Variants in NRIP3 observed in about 807,000 individuals in gnomAD.
NRIP3 encodes the protein nuclear receptor-interacting protein 3.
A neutral mutation model predicts 29.0 loss-of-function variants in NRIP3; 31 were observed. That is an observed-to-expected ratio of 1.07 (90% CI 0.80 to 1.44). The LOEUF (loss-of-function observed/expected upper bound fraction) is 1.44, where lower values mean the gene tolerates loss of function less well. NRIP3 is among the 40% of genes most tolerant of loss of function. The probability of loss-of-function intolerance (pLI) is 0.00; values close to 1 mark genes in which losing one functional copy is unlikely to be tolerated. For synonymous variants in NRIP3, 131 were observed against 118.3 expected (o/e 1.11, Z -0.70); for missense variants, 314 against 297.9 (o/e 1.05, Z -0.40).
intron 1 of NRIP3, among the ~76,000 whole-genome samples, chr11:8,999,959 T>A (rs1278921786): frequency 6.6e-6 from 1 of 152,218 alleles, no homozygotes; most frequent in East Asian, 1.9e-4. Flanking sequence ...TATATACATT[T>A]ACTTAATTTT....
chr11:8,983,607 A>G, intron 6 of NRIP3, 47 bp from the exon 7 acceptor site: 1 of 1,595,466 alleles, frequency 6.3e-7, no homozygotes, highest in Non-Finnish European at 8.6e-7. Flanking sequence ...AAATTCAAAA[A>G]AAGTTAAGCT....
chr11:8,997,523 C>T (rs879939974), intron 1 of NRIP3, among the ~76,000 whole-genome samples: 2 of 152,216 alleles, frequency 1.3e-5, no homozygotes, highest in Non-Finnish European at 2.9e-5. Flanking sequence ...CTAACCTAAG[C>T]AGTCCCTGCT....
At chr11:9,002,429 G>T (rs566906893) in intron 1 of NRIP3, among the ~76,000 whole-genome samples, 1 of 151,500 alleles carries the variant, frequency 6.6e-6, no homozygotes, top group South Asian at 2.1e-4. Context: ...TGTGCAAAAA[G>T]CAAAACAAAA....
At position 8,985,819 on chromosome 11, in the gene NRIP3, C is replaced by T. The variant is rs1160500147; in HGVS notation, c.454G>A (p.Glu152Lys). Reference protein sequence around the residue: ...LKEHVKSHKHEGEKLSLPRHL... With the variant: ...LKEHVKSHKHKGEKLSLPRHL... ...CGGGGTAGAGAAAGCTTTTCTCCTTCATGCTTGTGGGATTTGACATGCTCC... is the reference window on the plus strand; with the variant it reads ...CGGGGTAGAGAAAGCTTTTCTCCTTTATGCTTGTGGGATTTGACATGCTCC... The change falls in exon 4 of 7, where the codon GAA (glutamate) becomes AAA (lysine). Residue 152 changes from glutamate (E) to lysine (K), a missense_variant. Glu to Lys is a moderately conservative substitution (Grantham distance 56, BLOSUM62 1). Transcript: ENST00000309166. The T allele has an allele frequency of 6.2e-7, 1 of 1,614,146 alleles. No homozygotes were observed. The highest frequency in any genetic ancestry group is 8.5e-7 in the Non-Finnish European group (1 of 1,180,022).
chr11:8,988,487 G>A (rs1389431574), intron 1 of NRIP3, among the ~76,000 whole-genome samples: 1 of 152,198 alleles, frequency 6.6e-6, no homozygotes, highest in East Asian at 1.9e-4. Flanking sequence ...CACCCTGAAT[G>A]AATGAAAATG....
rs141959939 is a variant in NRIP3 at position 8,984,088 on chromosome 11, G to A, written c.599C>T (p.Thr200Ile). The part of the protein sequence containing the change: ...NEKNLSLGLQ[T>I]LRSLKCIINL... ...CAATCTTACCTTCAGAGATCGGAGAGTCTGTAGACCAAGGGACAAGTTTTT... is the reference window on the plus strand; with the variant it reads ...CAATCTTACCTTCAGAGATCGGAGAATCTGTAGACCAAGGGACAAGTTTTT... The change falls in exon 5 of 7, where the codon ACT (threonine) becomes ATT (isoleucine). Residue 200 changes from threonine (T) to isoleucine (I), a missense_variant. Thr to Ile is a moderately conservative substitution (Grantham distance 89). Transcript: ENST00000309166. 3.1e-5 allele frequency: 50 copies of A among 1,612,750 alleles called. No homozygotes were observed. The highest frequency in any genetic ancestry group is 3.6e-5 in the Non-Finnish European group (43 of 1,178,906).
intron 1 of NRIP3, among the ~76,000 whole-genome samples, chr11:9,001,932 A>G (rs780968439): frequency 6.6e-6 from 1 of 152,236 alleles, no homozygotes; most frequent in African/African-American, 2.4e-5. Flanking sequence ...TGTCATGTGT[A>G]TGTGTCATAC....
chr11:8,995,567 A>C (rs1405182573), intron 1 of NRIP3, among the ~76,000 whole-genome samples: 1 of 152,060 alleles, frequency 6.6e-6, no homozygotes, highest in Non-Finnish European at 1.5e-5. Flanking sequence ...TACTACCTCC[A>C]ATCTAATCCA....
intron 1 of NRIP3, among the ~76,000 whole-genome samples, chr11:9,002,456 G>GT (rs1263454476): frequency 2.6e-5 from 4 of 151,418 alleles, no homozygotes; most frequent in Admixed American, 2.6e-4. Context: ...AACACAACTT[G>GT]TAAAAAAAAC....
rs768933559 is a variant in NRIP3 at position 9,003,905 on chromosome 11, C to A, written c.31G>T (p.Gly11Cys). Residue 11 changes from glycine (G) to cysteine (C), a missense_variant, in exon 1 of 7, where the codon GGC (glycine) becomes TGC (cysteine). Transcript: ENST00000309166. MFYSGLLTEG[G>C]RKETDMREAA... Reference sequence around the variant, plus strand: ...TCCCGCATGTCGGTCTCCTTGCGGCCGCCCTCAGTGAGGAGCCCTGAGTAA... The same window carrying A: ...TCCCGCATGTCGGTCTCCTTGCGGCAGCCCTCAGTGAGGAGCCCTGAGTAA... 5.3e-6 allele frequency: 8 copies of A among 1,520,850 alleles called. No individual in the cohort carries two copies. Among genetic ancestry groups the A allele is most frequent in the South Asian group, 1.2e-5 (1 of 80,896 alleles). 94.2% of individuals were successfully genotyped at this position (1,520,850 alleles called of 1,614,324 possible).
chr11:8,997,068 ACT>A (rs1854719569), intron 1 of NRIP3, among the ~76,000 whole-genome samples: 1 of 151,330 alleles, frequency 6.6e-6, no homozygotes, highest in Non-Finnish European at 1.5e-5. Flanking sequence ...ACAGAGTGAG[ACT>A]CTGTCTCAAA....
chr11:8,983,289 A>G lies in NRIP3; in HGVS notation c.*256T>C, dbSNP rs1451157238. 3 of 554,738 alleles carry G rather than the reference A, an allele frequency of 5.4e-6. No individual in the cohort carries two copies. The highest frequency in any genetic ancestry group is 2.4e-5 in the South Asian group (1 of 42,456). The allele number at this position is 554,738 out of a possible 1,614,324, so 34.4% of individuals were successfully genotyped here. A position where few individuals can be genotyped will look rare whatever the true frequency, so the allele number is the denominator to read the frequency against. ...GAAGCAGAGAAATAGGCCACAAGTG[A>G]GACTGGCAGTGTCAAAAAAGGTCTA... On this transcript the variant is annotated 3_prime_UTR_variant, in exon 7 of 7. Transcript: ENST00000309166.
chr11:8,987,950 G>GA (rs1314804464), intron 2 of NRIP3, among the ~76,000 whole-genome samples, 168 bp downstream of exon 2: 1 of 152,120 alleles, frequency 6.6e-6, no homozygotes, highest in Non-Finnish European at 1.5e-5. Flanking sequence ...TTCCCATAAA[G>GA]ATGCACATGC....
Position 8,983,225 on chromosome 11 carries a change from C to T in NRIP3, c.*320G>A, listed in dbSNP as rs1219119929. 3.2e-5 allele frequency: 15 copies of T among 466,142 alleles called. No homozygotes were observed. The highest frequency in any genetic ancestry group is 4.1e-5 in the East Asian group (1 of 24,240). The allele number at this position is 466,142 out of a possible 1,614,324, so 28.9% of individuals were successfully genotyped here. ...ATATCTATGGAGACACAGAACCTGG[C>T]AGCCCCTATACTTGACTAATAAAAG... is the stretch of plus-strand genomic sequence containing the variant. On this transcript the variant is annotated 3_prime_UTR_variant, in exon 7 of 7. Transcript: ENST00000309166.
chr11:8,985,914 C>G, intron 3 of NRIP3, 64 bp from the exon 4 acceptor site: 1 of 1,562,256 alleles, frequency 6.4e-7, no homozygotes, highest in South Asian at 1.1e-5. Flanking sequence ...TCCTGCAATG[C>G]CTACCTTCTG....
intron 4 of NRIP3, among the ~76,000 whole-genome samples, 172 bp from the exon 5 acceptor site, chr11:8,984,296 C>T (rs183616948): frequency 6.6e-6 from 1 of 150,716 alleles, no homozygotes; most frequent in Non-Finnish European, 1.5e-5. Context: ...GAGTTTCGCT[C>T]TTGTTGCCCA....
rs200147777 is a variant in NRIP3, at chr11:9,003,896, C to T, written c.40G>A (p.Glu14Lys). ...GACGCCGCCTCCCGCATGTCGGTCT[C>T]CTTGCGGCCGCCCTCAGTGAGGAGC... is the stretch of plus-strand genomic sequence containing the variant. ...SGLLTEGGRKETDMREAASLR... is the reference protein window; with the variant it reads ...SGLLTEGGRKKTDMREAASLR... The change falls in exon 1 of 7, where the codon GAG becomes AAG. Residue 14 changes from glutamate to lysine, a missense_variant. Transcript: ENST00000309166. The T allele has an allele frequency of 3.9e-6, 6 of 1,522,544 alleles. No homozygotes were observed. The highest frequency in any genetic ancestry group is 2.9e-5 in the African/African-American group (2 of 69,650). 94.3% of individuals were successfully genotyped at this position (1,522,544 alleles called of 1,614,324 possible).
Position 9,003,936 on chromosome 11 carries a change from C to T in NRIP3, c.-1G>A, listed in dbSNP as rs1490634480. 6.7e-6 allele frequency: 10 copies of T among 1,484,906 alleles called. No homozygotes were observed. Among genetic ancestry groups the T allele is most frequent in the Admixed American group, 4.7e-5 (2 of 42,832 alleles). 92.0% of individuals were successfully genotyped at this position (1,484,906 alleles called of 1,614,324 possible). ...CAGTGAGGAGCCCTGAGTAAAACAT[C>T]GCTGAGGCGCCGGCGGCCCGGTAGC... On this transcript the variant is annotated 5_prime_UTR_variant, in exon 1 of 7. Transcript: ENST00000309166.
At chr11:8,988,080 T>C (rs778529587) in intron 2 of NRIP3, 38 bp downstream of exon 2, 1 of 1,606,336 alleles carries the variant, frequency 6.2e-7, no homozygotes, top group East Asian at 2.2e-5. Flanking sequence ...CATCCTACTT[T>C]CCAGAAAACC....
Sources: gnomAD v4.1 joint callset for allele counts (sites outside exome capture counted in the v4.1 genomes callset) on GRCh38, gnomAD v4.1.1 for gene constraint, MANE v1.5 for transcripts, NCBI Gene and HGNC (gene_info 2026-07-23, HGNC 2026-07-21) for gene names.